CDK5RAP1: variants seen among roughly 807,000 people sequenced by gnomAD.
The protein encoded by CDK5RAP1 is CDK5RAP1 mitochondrial tRNA methylthiotransferase, also known as mitochondrial tRNA methylthiotransferase CDK5RAP1.
Under a neutral mutation model 64.5 loss-of-function variants are expected in CDK5RAP1, and 62 were observed. The observed-to-expected ratio is 0.96, with a 90% CI of 0.78 to 1.19. The LOEUF (loss-of-function observed/expected upper bound fraction) is 1.19. Ranked by LOEUF, CDK5RAP1 falls within the 50% of genes most tolerant of loss-of-function variation. The pLI is 0.00. For synonymous variants in CDK5RAP1, 250 were observed against 261.9 expected (o/e 0.95, Z 0.44); for missense variants, 657 against 735.0 (o/e 0.89, Z 1.23).
At chr20:33,393,252 T>C (rs1988529708) in intron 4 of CDK5RAP1, among the ~76,000 whole-genome samples, 1 of 152,106 alleles carries the variant, frequency 6.6e-6, no homozygotes, top group Non-Finnish European at 1.5e-5. Flanking sequence ...AATAGTTCAC[T>C]GTAGCCTTGA....
Position 33,392,169 on chromosome 20 carries a change from G to C in CDK5RAP1, c.517C>G (p.Arg173Gly). 3 of 1,612,832 alleles carry C rather than the reference G, an allele frequency of 1.9e-6. No individual in the cohort carries two copies. The highest frequency in any genetic ancestry group is 2.2e-5 in the South Asian group (2 of 90,994). ...KALKTRRPRS[R>G]VPLRIGILGC... ...AGAATTCCAATCCTCAGAGGAACCCGGGAGCGGGGCCGCCTTGTCTTCAAG... is the reference window on the plus strand; with the variant it reads ...AGAATTCCAATCCTCAGAGGAACCCCGGAGCGGGGCCGCCTTGTCTTCAAG... Residue 173 changes from arginine (R) to glycine (G), a missense_variant, in exon 5 of 14, where the codon CGG becomes GGG. Physicochemically the swap from Arg to Gly is moderately radical, Grantham distance 125 (BLOSUM62 -2). Transcript: ENST00000346416.
intron 12 of CDK5RAP1, among the ~76,000 whole-genome samples, chr20:33,363,071 A>G (rs6059279): frequency 6.6e-6 from 1 of 152,246 alleles, no homozygotes; most frequent in African/African-American, 2.4e-5. Flanking sequence ...TCAAAATTGT[A>G]TGCCACCTCA....
chr20:33,377,052 C>G (rs1158879113), intron 8 of CDK5RAP1, among the ~76,000 whole-genome samples: 1 of 152,106 alleles, frequency 6.6e-6, no homozygotes, highest in Non-Finnish European at 1.5e-5. Context: ...ACAAGAGAGT[C>G]TGGCTGGGCA....
At chr20:33,364,647 T>C (rs1424575864) in intron 12 of CDK5RAP1, among the ~76,000 whole-genome samples, 1 of 151,918 alleles carries the variant, frequency 6.6e-6, no homozygotes, top group Admixed American at 6.6e-5. Flanking sequence ...CGATCTCGGC[T>C]CACCATAACC....
intron 1 of CDK5RAP1, among the ~76,000 whole-genome samples, 181 bp downstream of exon 1, chr20:33,401,247 C>T (rs180799781): frequency 6.6e-6 from 1 of 152,332 alleles, no homozygotes; most frequent in Admixed American, 6.5e-5. Flanking sequence ...CAAGGTCACA[C>T]GGGGTTAGGC....
chr20:33,389,316 C>T (rs1000148161), intron 5 of CDK5RAP1, among the ~76,000 whole-genome samples: 1 of 150,730 alleles, frequency 6.6e-6, no homozygotes, highest in Non-Finnish European at 1.5e-5. Flanking sequence ...CCCGGCCGCC[C>T]CGTCTGAGAA....
chr20:33,379,515 A>ATCTACTCT lies in CDK5RAP1; in HGVS notation c.1045_1052dup (p.Asp351GlufsTer3), dbSNP rs1986477563. The ATCTACTCT allele has an allele frequency of 6.2e-7, 1 of 1,614,152 alleles. No homozygotes were observed. The highest frequency in any genetic ancestry group is 2.2e-5 in the East Asian group (1 of 44,880). On this transcript the variant is annotated stop_gained and frameshift_variant, in exon 8 of 14. Coordinates refer to ENST00000346416, the MANE Select transcript of CDK5RAP1 (RefSeq NM_016408.4). LOFTEE classifies it high-confidence loss of function. ...AGGTAAAACGGATCCTCATTTCAGG[A>ATCTACTCT]TCTACTCTGGAGACCTGATCCAGAA...
At chr20:33,398,552 A>C (rs926899694) in intron 1 of CDK5RAP1, among the ~76,000 whole-genome samples, 3 of 152,204 alleles carry the variant, frequency 2.0e-5, no homozygotes, top group African/African-American at 7.2e-5. Context: ...GGAAAGGGAA[A>C]GATCTAAATG....
chr20:33,387,465 G>A lies in CDK5RAP1; in HGVS notation c.613C>T (p.Pro205Ser), dbSNP rs1272881297. 3 of 1,614,036 alleles carry A rather than the reference G, an allele frequency of 1.9e-6. No individual in the cohort carries two copies. Among genetic ancestry groups the A allele is most frequent in the Non-Finnish European group, 2.5e-6 (3 of 1,180,000 alleles). The change falls in exon 6 of 14, where the codon CCT (proline) becomes TCT (serine). Residue 205 changes from proline (P) to serine (S), a missense_variant. Coordinates refer to ENST00000346416, the MANE Select transcript of CDK5RAP1 (RefSeq NM_016408.4). ...REKMVDILAG[P>S]DAYRDLPRLL... ...CGGGGAAGGTCCCGGTAGGCATCAGGACCAGCCAAAATATCTACCATTTTC... is the reference window on the plus strand; with the variant it reads ...CGGGGAAGGTCCCGGTAGGCATCAGAACCAGCCAAAATATCTACCATTTTC...
At chr20:33,372,854 T>C (rs1170965607) in intron 9 of CDK5RAP1, 157 bp from the exon 10 acceptor site, 2 of 528,004 alleles carry the variant, frequency 3.8e-6, no homozygotes, top group African/African-American at 4.0e-5. Flanking sequence ...GCCCTTTTGA[T>C]CTAAGCTGTA....
Position 33,358,996 on chromosome 20 carries a change from C to T in CDK5RAP1, c.*47G>A. The T allele has an allele frequency of 7.4e-7, 1 of 1,359,424 alleles. No individual in the cohort carries two copies. The highest frequency in any genetic ancestry group is 1.7e-5 in the Admixed American group (1 of 57,630). The allele number at this position is 1,359,424 out of a possible 1,614,324, so 84.2% of individuals were successfully genotyped here. A position where few individuals can be genotyped will look rare whatever the true frequency, so the allele number is the denominator to read the frequency against. ...CAGTGGCAGGCAATGTCTCCCCTTC[C>T]TGTTGGGGAGGATTGCCCAAGTCAG... is the stretch of plus-strand genomic sequence containing the variant. On this transcript the variant is annotated 3_prime_UTR_variant, in exon 14 of 14. Transcript: ENST00000346416.
rs371324735 is a variant in CDK5RAP1, at chr20:33,371,978, A to G, written c.1261+664T>C. ...CCATAAAGCTAGTTAGAAAAAGTAC[A>G]CATTTTACTGCTGATCTGTACAATC... On this transcript the variant is annotated intron_variant, in intron 10 of 13. Transcript: ENST00000346416. 8.5e-5 allele frequency among the ~76,000 whole-genome samples: 13 copies of G among 152,278 alleles called. No individual in the cohort carries two copies. The East Asian group carries it at 2.1e-3, about 25-fold the overall frequency.
At chr20:33,385,610 C>A (rs778534033) in intron 7 of CDK5RAP1, 40 bp downstream of exon 7, 4 of 1,610,196 alleles carry the variant, frequency 2.5e-6, no homozygotes, top group East Asian at 2.2e-5. Flanking sequence ...CATCCTCCCC[C>A]AAACATGTTC....
chr20:33,389,361 T>C (rs1280219650), intron 5 of CDK5RAP1, among the ~76,000 whole-genome samples: 1 of 149,950 alleles, frequency 6.7e-6, no homozygotes, highest in East Asian at 2.0e-4. Context: ...CCGCCCCGTC[T>C]GAGAAGTGAG....
intron 1 of CDK5RAP1, among the ~76,000 whole-genome samples, chr20:33,400,208 G>A (rs1989275036): frequency 6.6e-6 from 1 of 152,252 alleles, no homozygotes; most frequent in African/African-American, 2.4e-5. Flanking sequence ...GTGCAACCCG[G>A]TTCCTCACAG....
chr20:33,371,339 A>G (rs1984984075), intron 10 of CDK5RAP1, among the ~76,000 whole-genome samples: 1 of 152,132 alleles, frequency 6.6e-6, no homozygotes, highest in South Asian at 2.1e-4. Flanking sequence ...GAGTACTATT[A>G]ACTCCATTTT....
At chr20:33,397,883 T>C (rs1184144694) in intron 1 of CDK5RAP1, among the ~76,000 whole-genome samples, 1 of 151,876 alleles carries the variant, frequency 6.6e-6, no homozygotes, top group Non-Finnish European at 1.5e-5. Flanking sequence ...TCCCAACTAC[T>C]CAGGAGGCTG....
At chr20:33,382,300 C>G (rs922716603) in intron 7 of CDK5RAP1, among the ~76,000 whole-genome samples, 4 of 152,278 alleles carry the variant, frequency 2.6e-5, no homozygotes, top group African/African-American at 9.6e-5. Flanking sequence ...ACTTAAGGAA[C>G]AATTGGGGAA....
intron 9 of CDK5RAP1, chr20:33,373,465 T>C (rs1357358004): frequency 6.6e-6 from 1 of 152,258 alleles, no homozygotes; most frequent in Non-Finnish European, 1.5e-5. Context: ...GCATAAACTA[T>C]TCTAAATAGC....
Sources: allele counts gnomAD v4.1 joint callset (sites outside exome capture counted in the v4.1 genomes callset), GRCh38; gene constraint gnomAD v4.1.1; transcripts MANE v1.5; gene names NCBI Gene and HGNC (gene_info 2026-07-23, HGNC 2026-07-21).